PAIP1: variants seen among roughly 807,000 people sequenced by gnomAD.
The protein encoded by PAIP1 is polyadenylate-binding protein-interacting protein 1.
Under a neutral mutation model 61.3 loss-of-function variants are expected in PAIP1, and 16 were observed. The ratio of observed to expected loss-of-function variants is 0.26; its 90% CI spans 0.18 to 0.40. The LOEUF is 0.40. Among genes scored for constraint, PAIP1 ranks in the 10% least tolerant of loss-of-function variants. The pLI is 1.00. For synonymous variants in PAIP1, 187 were observed against 226.2 expected (o/e 0.83, Z 1.56); for missense variants, 416 against 600.9 (o/e 0.69, Z 3.22).
Position 43,556,775 on chromosome 5 carries a change from G to T in PAIP1, c.72C>A (p.Gly24=), listed in dbSNP as rs1001836299. ...TCGGGAAACCGCCGCCCTCAGGCCC[G>T]CCCCCTCCGCGGCCCAGGCCCCGGC... ...GRSRGLGRGG[G]GPEGGGFPNG... Residue 24 remains glycine (G), a synonymous_variant, in exon 1 of 11, where the codon GGC becomes GGA. Coordinates refer to ENST00000306846, the MANE Select transcript of PAIP1 (RefSeq NM_006451.5). 6 of 1,436,520 alleles carry T rather than the reference G, an allele frequency of 4.2e-6. No homozygotes were observed. The highest frequency in any genetic ancestry group is 3.0e-5 in the African/African-American group (2 of 67,158). 89.0% of individuals were successfully genotyped at this position (1,436,520 alleles called of 1,614,324 possible). A position where few individuals can be genotyped will look rare whatever the true frequency, so the allele number is the denominator to read the frequency against.
intron 8 of PAIP1, among the ~76,000 whole-genome samples, chr5:43,534,069 T>C (rs1007001542): frequency 1.3e-5 from 2 of 152,224 alleles, no homozygotes; most frequent in African/African-American, 4.8e-5. Context: ...GTCAGTGCAT[T>C]TTTAGCTGTG....
intron 3 of PAIP1, among the ~76,000 whole-genome samples, 194 bp from the exon 4 acceptor site, chr5:43,543,310 C>CAAAAAAAAAAA (rs11427976): frequency 5.0e-4 from 48 of 95,726 alleles, no homozygotes; most frequent in Non-Finnish European, 5.6e-4. Context: ...ACAATAAGTA[C>CAAAAAAAAAAA]AAAAAAAAAA....
rs1470354124 is a variant in PAIP1, at chr5:43,526,701, T to C, written c.*675A>G. The C allele has an allele frequency of 6.9e-6, 1 of 144,288 alleles. No homozygotes were observed. The highest frequency in any genetic ancestry group is 2.6e-5 in the African/African-American group (1 of 39,020). The allele number at this position is 144,288 out of a possible 1,614,324, so 8.9% of individuals were successfully genotyped here. ...AATAATGTTCTAGCCTTTAAGGTAA[T>C]GAAGTTAGTCAGTTGAAAAAATAAA... On this transcript the variant is annotated 3_prime_UTR_variant, in exon 11 of 11. Transcript: ENST00000306846.
chr5:43,528,714 T>A (rs4454062), intron 10 of PAIP1, among the ~76,000 whole-genome samples: 147,563 of 151,974 alleles, frequency 0.97, 71,703 homozygotes, highest in East Asian at 1. Flanking sequence ...TTCACTTTTT[T>A]AAAAAAATCT....
intron 8 of PAIP1, 60 bp downstream of exon 8, chr5:43,534,793 C>T: frequency 1.1e-6 from 1 of 914,442 alleles, no homozygotes; most frequent in Non-Finnish European, 1.8e-6. Flanking sequence ...TGTAGCTCTT[C>T]TAATTTCCAA....
chr5:43,556,236 CCT>C (rs1389968348), intron 1 of PAIP1: 7 of 1,288,068 alleles, frequency 5.4e-6, no homozygotes, highest in Middle Eastern at 2.9e-4. Context: ...GAGCTTTTTT[CCT>C]CTCTGTCGTT....
intron 5 of PAIP1, among the ~76,000 whole-genome samples, chr5:43,537,951 G>A (rs1265248778): frequency 7.1e-6 from 1 of 140,054 alleles, no homozygotes; most frequent in African/African-American, 2.7e-5. Context: ...CCGAGATCAC[G>A]TCACTGCACT....
At chr5:43,534,352 G>T (rs543086704) in intron 8 of PAIP1, among the ~76,000 whole-genome samples, 13 of 152,152 alleles carry the variant, frequency 8.5e-5, no homozygotes, top group African/African-American at 3.1e-4. Context: ...GGCAAGTACT[G>T]CCACGCCCAG....
At position 43,529,767 on chromosome 5, in the gene PAIP1, G is replaced by A. The variant is rs989480527; in HGVS notation, c.1346+19C>T. On this transcript the variant is annotated intron_variant, in intron 10 of 10. Transcript: ENST00000306846. ...TAGACACAGAAATTTCACGAAGTTA[G>A]TAACTGAAGAAAACTTACGGATCAC... 3.9e-6 allele frequency: 5 copies of A among 1,279,772 alleles called. No homozygotes were observed. Among genetic ancestry groups the A allele is most frequent in the Non-Finnish European group, 5.7e-6 (5 of 876,488 alleles). The allele number at this position is 1,279,772 out of a possible 1,614,324, so 79.3% of individuals were successfully genotyped here. A position where few individuals can be genotyped will look rare whatever the true frequency, so the allele number is the denominator to read the frequency against.
chr5:43,546,689 C>G (rs1747647227), intron 3 of PAIP1, among the ~76,000 whole-genome samples: 1 of 152,068 alleles, frequency 6.6e-6, no homozygotes, highest in Non-Finnish European at 1.5e-5. Flanking sequence ...CAGTCTCACA[C>G]TGACTAAGAA....
intron 2 of PAIP1, among the ~76,000 whole-genome samples, chr5:43,555,110 T>C (rs1748010470): frequency 6.6e-6 from 1 of 152,208 alleles, no homozygotes; most frequent in South Asian, 2.1e-4. Flanking sequence ...TACTTGGACA[T>C]CAAGAACAAC....
intron 4 of PAIP1, among the ~76,000 whole-genome samples, chr5:43,539,486 CAA>C (rs1491228589): frequency 1.4e-5 from 2 of 145,622 alleles, no homozygotes; most frequent in African/African-American, 2.6e-5. Flanking sequence ...CACACACACA[CAA>C]CCTCCAACTG....
At chr5:43,545,818 G>A (rs1378587149) in intron 3 of PAIP1, among the ~76,000 whole-genome samples, 1 of 150,842 alleles carries the variant, frequency 6.6e-6, no homozygotes, top group Non-Finnish European at 1.5e-5. Flanking sequence ...TGCCCAAGCT[G>A]GAGTGCAGTG....
intron 3 of PAIP1, among the ~76,000 whole-genome samples, chr5:43,546,661 T>C (rs1022711432): frequency 1.3e-5 from 2 of 152,324 alleles, no homozygotes; most frequent in African/African-American, 4.8e-5. Context: ...TTTCTGATCA[T>C]GGCCCATTTT....
At position 43,542,177 on chromosome 5, in the gene PAIP1, G is replaced by GA. The variant is rs770528484; in HGVS notation, c.734+826dup. Among the ~76,000 whole-genome samples the GA allele has an allele frequency of 3.9e-3, 476 of 123,462 alleles. 3 individuals carry two copies. The highest frequency in any genetic ancestry group is 0.015 in the Middle Eastern group (3 of 200). The allele number at this position is 123,462 out of a possible 152,430, so 81.0% of individuals were successfully genotyped here. On this transcript the variant is annotated intron_variant, in intron 4 of 10. Coordinates refer to ENST00000306846, the MANE Select transcript of PAIP1 (RefSeq NM_006451.5). The stretch of plus-strand genomic sequence containing the variant: ...GGTGACAGAGCAAGACTCGGTCTCG[G>GA]AAAAAAAAAAAAAAATCCCACAAAA...
chr5:43,549,461 G>C (rs537090866), intron 2 of PAIP1, among the ~76,000 whole-genome samples: 52 of 146,684 alleles, frequency 3.5e-4, no homozygotes, highest in African/African-American at 1.4e-3. Context: ...CACGAGATCT[G>C]ATGGGTTTAT....
intron 1 of PAIP1, 149 bp from the exon 2 acceptor site, chr5:43,556,148 C>A: frequency 7.1e-7 from 1 of 1,418,256 alleles, no homozygotes; most frequent in Non-Finnish European, 9.2e-7. Context: ...GGAATGTGTA[C>A]AGACAGCCTA....
At chr5:43,554,539 A>G (rs1747990249) in intron 2 of PAIP1, among the ~76,000 whole-genome samples, 1 of 152,194 alleles carries the variant, frequency 6.6e-6, no homozygotes, top group Non-Finnish European at 1.5e-5. Flanking sequence ...AACATGGAAC[A>G]CAGCTTTTTC....
At chr5:43,543,214 A>C in intron 3 of PAIP1, 98 bp from the exon 4 acceptor site, 1 of 570,128 alleles carries the variant, frequency 1.8e-6, no homozygotes, top group Non-Finnish European at 3.2e-6. Context: ...TTGACTCCCC[A>C]AACTGACCAT....
Sources: allele counts gnomAD v4.1 joint callset (sites outside exome capture counted in the v4.1 genomes callset), GRCh38; gene constraint gnomAD v4.1.1; transcripts MANE v1.5; gene names NCBI Gene and HGNC (gene_info 2026-07-23, HGNC 2026-07-21).